The following TMTC2 variants were observed in gnomAD, a reference collection of about 807,000 sequenced individuals.
TMTC2 encodes protein O-mannosyl-transferase TMTC2.
Under a neutral mutation model 82.4 loss-of-function variants are expected in TMTC2, and 43 were observed. The ratio of observed to expected loss-of-function variants is 0.52; its 90% CI spans 0.41 to 0.67. The LOEUF (loss-of-function observed/expected upper bound fraction) is 0.67, where lower values mean the gene tolerates loss of function less well. Among genes scored for constraint, TMTC2 ranks in the 30% least tolerant of loss-of-function variants. TMTC2 has a pLI of 0.00. For synonymous variants in TMTC2, 408 were observed against 381.9 expected (o/e 1.07, Z -0.80); for missense variants, 919 against 1,012.4 (o/e 0.91, Z 1.25).
intron 1 of TMTC2, among the ~76,000 whole-genome samples, chr12:82,784,038 GA>G (rs1183363844): frequency 1.3e-5 from 2 of 152,044 alleles, no homozygotes; most frequent in East Asian, 1.9e-4. Flanking sequence ...TAGCAGACAT[GA>G]ATATGTAGAG....
Position 83,019,639 on chromosome 12 carries a change from G to A in TMTC2, c.2071-11159G>A, listed in dbSNP as rs563032670. Among the ~76,000 whole-genome samples, 18 of 151,944 alleles carry A rather than the reference G, an allele frequency of 1.2e-4. No individual in the cohort carries two copies. In the South Asian group the frequency reaches 2.9e-3, roughly 25 times the overall value. On this transcript the variant is annotated intron_variant, in intron 8 of 11. Coordinates refer to ENST00000321196, the MANE Select transcript of TMTC2 (RefSeq NM_152588.3). ...TTCCATTATTTACTATCTTCTCTTC[G>A]GTTTTGGTCCAAAAACTTAGGGTCA... is the stretch of plus-strand genomic sequence containing the variant.
intron 1 of TMTC2, among the ~76,000 whole-genome samples, chr12:82,763,040 T>G (rs1876736373): frequency 6.6e-6 from 1 of 152,110 alleles, no homozygotes. Flanking sequence ...TGTGACAATA[T>G]TTTGTGCCAA....
At chr12:82,973,299 T>A (rs1223453471) in intron 7 of TMTC2, among the ~76,000 whole-genome samples, 1 of 152,202 alleles carries the variant, frequency 6.6e-6, no homozygotes, top group Non-Finnish European at 1.5e-5. Context: ...GAACCTCTAA[T>A]TTTTAAGATA....
intron 1 of TMTC2, among the ~76,000 whole-genome samples, chr12:82,773,340 G>T (rs962480840): frequency 1.3e-5 from 2 of 152,106 alleles, no homozygotes; most frequent in Non-Finnish European, 2.9e-5. Flanking sequence ...AAATGTGTTT[G>T]TGATAAATAA....
At chr12:82,959,753 C>T (rs1877818843) in intron 4 of TMTC2, among the ~76,000 whole-genome samples, 1 of 151,974 alleles carries the variant, frequency 6.6e-6, no homozygotes, top group South Asian at 2.1e-4. Flanking sequence ...ACCATTCTGA[C>T]CATAAGCCTT....
intron 1 of TMTC2, among the ~76,000 whole-genome samples, chr12:82,812,134 A>T (rs1868434997): frequency 6.6e-6 from 1 of 152,022 alleles, no homozygotes; most frequent in Non-Finnish European, 1.5e-5. Context: ...ATATCTTAAC[A>T]CATCTGAAAC....
At chr12:82,863,633 A>C (rs1871665308) in intron 2 of TMTC2, among the ~76,000 whole-genome samples, 1 of 152,196 alleles carries the variant, frequency 6.6e-6, no homozygotes, top group Non-Finnish European at 1.5e-5. Context: ...TTGCAGTTTA[A>C]GTTCAAGTTA....
intron 1 of TMTC2, chr12:82,759,924 G>T (rs1056962638): frequency 6.6e-6 from 1 of 152,136 alleles, no homozygotes; most frequent in Non-Finnish European, 1.5e-5. Flanking sequence ...AAATGTGAAC[G>T]ATAGTTATTT....
chr12:82,999,510 A>G (rs970976587), intron 8 of TMTC2, among the ~76,000 whole-genome samples: 1 of 152,090 alleles, frequency 6.6e-6, no homozygotes, highest in Non-Finnish European at 1.5e-5. Flanking sequence ...TGGGCAATTT[A>G]CAAAAGAAAG....
intron 4 of TMTC2, 58 bp downstream of exon 4, chr12:82,930,603 C>T: frequency 1.9e-6 from 2 of 1,039,474 alleles, no homozygotes; most frequent in Middle Eastern, 2.1e-4. Flanking sequence ...GTGAGAGGGA[C>T]TATTGATTTA....
At chr12:83,044,332 G>A (rs778327835) in intron 9 of TMTC2, among the ~76,000 whole-genome samples, 1 of 152,136 alleles carries the variant, frequency 6.6e-6, no homozygotes, top group Non-Finnish European at 1.5e-5. Context: ...TGCAGGTAGA[G>A]GAAATAGTGA....
At chr12:82,755,788 T>C (rs564745195) in intron 1 of TMTC2, among the ~76,000 whole-genome samples, 2 of 152,312 alleles carry the variant, frequency 1.3e-5, no homozygotes, top group South Asian at 4.1e-4. Context: ...CGGAACTGCT[T>C]TCACCCCAAG....
At chr12:82,787,240 G>A (rs1213495941) in intron 1 of TMTC2, among the ~76,000 whole-genome samples, 1 of 151,940 alleles carries the variant, frequency 6.6e-6, no homozygotes, top group East Asian at 1.9e-4. Flanking sequence ...GTCTAATGAG[G>A]TGGCTAAGGG....
At chr12:82,799,987 TA>T (rs372987378) in intron 1 of TMTC2, among the ~76,000 whole-genome samples, 248 of 150,830 alleles carry the variant, frequency 1.6e-3, no homozygotes, top group African/African-American at 5.8e-3. Flanking sequence ...CATAGTATAA[TA>T]AAAAAAAAGT....
At chr12:82,864,360 G>C (rs975495567) in intron 2 of TMTC2, among the ~76,000 whole-genome samples, 2 of 151,936 alleles carry the variant, frequency 1.3e-5, no homozygotes, top group African/African-American at 4.8e-5. Context: ...CTCGGGAGTC[G>C]GGGGTGAGGG....
chr12:82,892,709 C>A (rs1343523899), intron 2 of TMTC2, among the ~76,000 whole-genome samples: 1 of 152,190 alleles, frequency 6.6e-6, no homozygotes, highest in Non-Finnish European at 1.5e-5. Flanking sequence ...CTCTCTACAT[C>A]CCCGATCACT....
chr12:83,095,447 A>G (rs895688108), intron 11 of TMTC2, among the ~76,000 whole-genome samples: 1 of 151,960 alleles, frequency 6.6e-6, no homozygotes, highest in African/African-American at 2.4e-5. Flanking sequence ...TCACTGTGTT[A>G]GCCAGGATGG....
chr12:83,068,931 T>A (rs962680358), intron 11 of TMTC2, among the ~76,000 whole-genome samples: 4 of 152,058 alleles, frequency 2.6e-5, no homozygotes, highest in African/African-American at 9.7e-5. Context: ...ATAACTTAGC[T>A]CCCACATATC....
intron 1 of TMTC2, among the ~76,000 whole-genome samples, chr12:82,691,023 A>G (rs1360678264): frequency 6.6e-6 from 1 of 152,208 alleles, no homozygotes; most frequent in Non-Finnish European, 1.5e-5. Context: ...GACAAAGGTA[A>G]ACAAACCATA....
Sources: gnomAD v4.1 joint callset for allele counts (sites outside exome capture counted in the v4.1 genomes callset) on GRCh38, gnomAD v4.1.1 for gene constraint, MANE v1.5 for transcripts, NCBI Gene and HGNC (gene_info 2026-07-23, HGNC 2026-07-21) for gene names.